The following SYT14 variants were observed in gnomAD, a reference collection of about 807,000 sequenced individuals.
The protein encoded by SYT14 is synaptotagmin 14, also known as synaptotagmin-14.
Under a neutral mutation model 74.2 loss-of-function variants are expected in SYT14, and 32 were observed. That is an observed-to-expected ratio of 0.43 (90% CI 0.33 to 0.58). The LOEUF is 0.58. Ranked by LOEUF, SYT14 falls within the 20% of genes least tolerant of loss-of-function variation. The probability of loss-of-function intolerance (pLI) is 0.05; values close to 1 mark genes in which losing one functional copy is unlikely to be tolerated. For synonymous variants in SYT14, 298 were observed against 337.7 expected (o/e 0.88, Z 1.29); for missense variants, 791 against 981.8 (o/e 0.81, Z 2.60).
intron 5 of SYT14, among the ~76,000 whole-genome samples, chr1:210,032,010 A>G (rs2080547591): frequency 6.6e-6 from 1 of 152,162 alleles, no homozygotes; most frequent in Admixed American, 6.6e-5. Context: ...CTAGCAGAGA[A>G]TGACTATGCC....
chr1:210,088,114 T>C (rs893327983), intron 5 of SYT14, among the ~76,000 whole-genome samples: 2 of 152,186 alleles, frequency 1.3e-5, no homozygotes, highest in African/African-American at 4.8e-5. Flanking sequence ...TGGTTTTTTA[T>C]TTAATTTCTG....
chr1:210,081,803 A>G (rs2081622137), intron 5 of SYT14, among the ~76,000 whole-genome samples: 1 of 152,234 alleles, frequency 6.6e-6, no homozygotes, highest in Admixed American at 6.5e-5. Context: ...AATAAACAAT[A>G]TCATAGTAAT....
intron 5 of SYT14, among the ~76,000 whole-genome samples, chr1:210,059,451 T>TATATAGAGAGAGAGAGAGAGAG (rs377050610): frequency 4.3e-5 from 3 of 69,902 alleles, no homozygotes; most frequent in African/African-American, 1.6e-4. Context: ...TATATATATA[T>TATATAGAGAGAGAGAGAGAGAG]AGAGAGAGAG....
chr1:210,042,435 A>G (rs531996697), intron 5 of SYT14, among the ~76,000 whole-genome samples: 1 of 152,286 alleles, frequency 6.6e-6, no homozygotes, highest in Admixed American at 6.5e-5. Flanking sequence ...GTCTTTGTCC[A>G]TGCCTATGTC....
chr1:210,116,692 G>C (rs2082368035), intron 7 of SYT14, among the ~76,000 whole-genome samples: 1 of 152,156 alleles, frequency 6.6e-6, no homozygotes, highest in Non-Finnish European at 1.5e-5. Context: ...AACACTTGGA[G>C]AAGAGAGACT....
intron 1 of SYT14, among the ~76,000 whole-genome samples, chr1:209,940,854 T>C (rs1167624011): frequency 1.3e-5 from 2 of 152,232 alleles, no homozygotes; most frequent in African/African-American, 2.4e-5. Context: ...ATTCCAGTTA[T>C]ACTGTTGAAT....
intron 5 of SYT14, among the ~76,000 whole-genome samples, chr1:210,070,182 C>T (rs1399496445): frequency 6.6e-6 from 1 of 152,022 alleles, no homozygotes; most frequent in Non-Finnish European, 1.5e-5. Context: ...CCGACTGTGC[C>T]GTCACCATAC....
intron 5 of SYT14, among the ~76,000 whole-genome samples, chr1:210,074,032 A>G (rs1487636721): frequency 6.6e-6 from 1 of 152,186 alleles, no homozygotes; most frequent in Non-Finnish European, 1.5e-5. Context: ...ACTGTGTCCA[A>G]AATTAATCTG....
intron 5 of SYT14, among the ~76,000 whole-genome samples, chr1:210,091,945 A>T (rs1240106406): frequency 6.6e-6 from 1 of 152,204 alleles, no homozygotes; most frequent in African/African-American, 2.4e-5. Context: ...CTTCTAAGAA[A>T]AAAGGTAAAG....
exon 10 of SYT14, chr1:210,166,408 AT>A (rs2083455895): frequency 6.6e-6 from 1 of 152,252 alleles, no homozygotes. Flanking sequence ...TCTACCAAAA[AT>A]TTAAAAATTA....
intron 6 of SYT14, 58 bp downstream of exon 5, chr1:210,094,651 G>A: frequency 6.4e-7 from 1 of 1,560,658 alleles, no homozygotes; most frequent in South Asian, 1.1e-5. Context: ...TAATAATCCT[G>A]TGCTTCTCCT....
intron 1 of SYT14, among the ~76,000 whole-genome samples, chr1:209,941,472 T>C (rs2078729114): frequency 6.6e-6 from 1 of 152,226 alleles, no homozygotes; most frequent in South Asian, 2.1e-4. Context: ...CTATCCAGCA[T>C]ATTAATTCTT....
At chr1:210,126,604 T>C (rs1263044887) in intron 7 of SYT14, among the ~76,000 whole-genome samples, 2 of 152,230 alleles carry the variant, frequency 1.3e-5, no homozygotes, top group African/African-American at 4.8e-5. Flanking sequence ...TGTGAAAATC[T>C]TTCAGAAACC....
At chr1:210,054,131 C>T (rs2102389443) in intron 5 of SYT14, among the ~76,000 whole-genome samples, 1 of 151,816 alleles carries the variant, frequency 6.6e-6, no homozygotes, top group East Asian at 1.9e-4. Context: ...ATTATTCTTC[C>T]TGTGTTGGGA....
At chr1:210,021,159 C>T (rs1217227022) in exon 5 of SYT14, 2 of 1,613,988 alleles carry the variant, frequency 1.2e-6, no homozygotes, top group East Asian at 4.5e-5. Flanking sequence ...CTGGCAGATT[C>T]TAGACAAAGG....
intron 5 of SYT14, among the ~76,000 whole-genome samples, chr1:210,059,445 T>TAGAGAGAGAG (rs1391983771): frequency 1.1e-3 from 106 of 96,756 alleles, no homozygotes; most frequent in Middle Eastern, 6.0e-3. Context: ...TATATATATA[T>TAGAGAGAGAG]ATATATAGAG....
chr1:209,938,393 G>A (rs1237815783), intron 1 of SYT14, 116 bp downstream of exon 1: 18 of 1,030,956 alleles, frequency 1.7e-5, no homozygotes, highest in Non-Finnish European at 2.2e-5. Context: ...GTCTGGAGCC[G>A]GCTGAAGACG....
At chr1:210,001,389 T>G (rs988779277) in intron 2 of SYT14, among the ~76,000 whole-genome samples, 1 of 152,190 alleles carries the variant, frequency 6.6e-6, no homozygotes, top group African/African-American at 2.4e-5. Flanking sequence ...TACATTATTT[T>G]TACATAGTGG....
At chr1:210,014,591 G>A (rs940679293) in intron 3 of SYT14, among the ~76,000 whole-genome samples, 6 of 152,028 alleles carry the variant, frequency 3.9e-5, no homozygotes, top group African/African-American at 1.4e-4. Flanking sequence ...TACCTGTGTT[G>A]GAGATATGCT....
Sources: allele counts gnomAD v4.1 joint callset (sites outside exome capture counted in the v4.1 genomes callset), GRCh38; gene constraint gnomAD v4.1.1; transcripts MANE v1.5; gene names NCBI Gene and HGNC (gene_info 2026-07-23, HGNC 2026-07-21).